The following STAM variants were observed in gnomAD, a reference collection of about 807,000 sequenced individuals.
STAM encodes the protein signal transducing adaptor molecule, also known as signal transducing adapter molecule 1.
A neutral mutation model predicts 63.4 loss-of-function variants in STAM; 16 were observed. That is an observed-to-expected ratio of 0.25 (90% CI 0.17 to 0.38). The LOEUF is 0.38. STAM is among the 10% of genes least tolerant of loss of function. The pLI is 1.00. For synonymous variants in STAM, 238 were observed against 223.9 expected (o/e 1.06, Z -0.56); for missense variants, 636 against 657.1 (o/e 0.97, Z 0.35).
intron 13 of STAM, among the ~76,000 whole-genome samples, chr10:17,710,799 A>G (rs1302273751): frequency 6.6e-6 from 1 of 152,242 alleles, no homozygotes; most frequent in Non-Finnish European, 1.5e-5. Context: ...AGTGTTAATG[A>G]CAATTTCAAG....
chr10:17,688,187 G>A lies in STAM; in HGVS notation c.444+14G>A. ...ATTGGCTCTCAGGTATTTTGGGAAT[G>A]AAGTTGTGTGTGTGCTACAGTTTGT... is the stretch of plus-strand genomic sequence containing the variant. On this transcript the variant is annotated intron_variant, in intron 5 of 13. Coordinates refer to ENST00000377524, the MANE Select transcript of STAM (RefSeq NM_003473.4). 1 of 1,519,962 alleles carries A rather than the reference G, an allele frequency of 6.6e-7. No individual in the cohort carries two copies. Among genetic ancestry groups the A allele is most frequent in the Non-Finnish European group, 8.8e-7 (1 of 1,132,264 alleles). 94.2% of individuals were successfully genotyped at this position (1,519,962 alleles called of 1,614,324 possible).
At chr10:17,652,408 T>G (rs1833776886) in intron 1 of STAM, among the ~76,000 whole-genome samples, 1 of 152,174 alleles carries the variant, frequency 6.6e-6, no homozygotes, top group African/African-American at 2.4e-5. Flanking sequence ...CTGATTCTAT[T>G]TATGTGTAGG....
At chr10:17,709,461 T>A (rs536841377) in intron 13 of STAM, among the ~76,000 whole-genome samples, 7 of 152,324 alleles carry the variant, frequency 4.6e-5, no homozygotes, top group African/African-American at 1.7e-4. Context: ...GTAAGCACCC[T>A]TGTTTCTCAG....
chr10:17,651,363 C>T (rs1250681538), intron 1 of STAM, among the ~76,000 whole-genome samples: 1 of 152,160 alleles, frequency 6.6e-6, no homozygotes, highest in Non-Finnish European at 1.5e-5. Flanking sequence ...ATGTAGTAAC[C>T]AATGGATACG....
intron 2 of STAM, among the ~76,000 whole-genome samples, 180 bp downstream of exon 2, chr10:17,660,728 C>G (rs1834134354): frequency 6.6e-6 from 1 of 152,058 alleles, no homozygotes; most frequent in East Asian, 1.9e-4. Flanking sequence ...AGCCAATGTA[C>G]ACGAGTCAGG....
intron 8 of STAM, among the ~76,000 whole-genome samples, chr10:17,697,176 G>A (rs570106660): frequency 5.7e-4 from 87 of 152,254 alleles, no homozygotes; most frequent in African/African-American, 2.1e-3. Context: ...TGATCCACCC[G>A]CCTCAGTCTC....
At chr10:17,654,389 A>AT (rs1833858861) in intron 1 of STAM, among the ~76,000 whole-genome samples, 4 of 151,798 alleles carry the variant, frequency 2.6e-5, no homozygotes, top group Admixed American at 6.6e-5. Context: ...AGCCTGGCTA[A>AT]TTTTTTGTAT....
chr10:17,647,547 T>C (rs782543368), intron 1 of STAM, among the ~76,000 whole-genome samples: 2 of 152,210 alleles, frequency 1.3e-5, no homozygotes, highest in Non-Finnish European at 2.9e-5. Flanking sequence ...TTTAGCTTAG[T>C]GTTAAGAATT....
rs181456069 is a variant in STAM at position 17,649,904 on chromosome 10, G to A, written c.40+5525G>A. On this transcript the variant is annotated intron_variant, in intron 1 of 13. Coordinates refer to ENST00000377524, the MANE Select transcript of STAM (RefSeq NM_003473.4). ...CTGGGATTACCGATGTGAGGCACCC[G>A]GGCCCAGCCAATTTGGTAATATTTT... 3.7e-4 allele frequency among the ~76,000 whole-genome samples: 56 copies of A among 152,234 alleles called. No homozygotes were observed. The East Asian group carries it at 0.011, about 29-fold the overall frequency.
intron 8 of STAM, among the ~76,000 whole-genome samples, chr10:17,697,371 A>G (rs894007373): frequency 5.9e-5 from 9 of 152,122 alleles, no homozygotes; most frequent in Admixed American, 3.9e-4. Context: ...CTCAGGGAGG[A>G]TTTTTCTTGT....
chr10:17,675,898 G>T (rs1834834563), intron 2 of STAM, among the ~76,000 whole-genome samples: 1 of 151,920 alleles, frequency 6.6e-6, no homozygotes, highest in South Asian at 2.1e-4. Context: ...GTATCCTTTT[G>T]CACTGATACC....
chr10:17,672,516 C>A (rs1554824187), intron 2 of STAM, among the ~76,000 whole-genome samples: 1 of 152,148 alleles, frequency 6.6e-6, no homozygotes, highest in Non-Finnish European at 1.5e-5. Context: ...TGTGCTGTCT[C>A]ACAATTACAA....
rs1198282901 is a variant in STAM at position 17,716,067 on chromosome 10, G to A, written c.*1287G>A. On this transcript the variant is annotated 3_prime_UTR_variant, in exon 14 of 14. Coordinates refer to ENST00000377524, the MANE Select transcript of STAM (RefSeq NM_003473.4). ...AATGAATGCTTTTCTTTTAATTCATGCGAAAAATGTTTTCCACTGACATTG... is the reference window on the plus strand; with the variant it reads ...AATGAATGCTTTTCTTTTAATTCATACGAAAAATGTTTTCCACTGACATTG... Among the ~76,000 whole-genome samples the A allele has an allele frequency of 3.3e-5, 5 of 152,018 alleles. No homozygotes were observed. The highest frequency in any genetic ancestry group is 7.4e-5 in the Non-Finnish European group (5 of 67,978).
rs138716488 is a variant in STAM at position 17,693,588 on chromosome 10, C to T, written c.535+276C>T. On this transcript the variant is annotated intron_variant, in intron 6 of 13. Transcript: ENST00000377524. ...AAATTTGTTTTTTGTAGATAGTACA[C>T]GGGAAATGCCATTTGCCACTTGCTT... Among the ~76,000 whole-genome samples, 811 of 152,230 alleles carry T rather than the reference C, an allele frequency of 5.3e-3. 3 individuals carry two copies. The highest frequency in any genetic ancestry group is 0.019 in the African/African-American group (773 of 41,532).
intron 2 of STAM, among the ~76,000 whole-genome samples, chr10:17,673,872 CAGGAGGAATA>C: frequency 6.6e-6 from 1 of 152,158 alleles, no homozygotes; most frequent in Non-Finnish European, 1.5e-5. Flanking sequence ...TTTGAGTTTG[CAGGAGGAATA>C]CCTAACATTC....
intron 13 of STAM, among the ~76,000 whole-genome samples, chr10:17,710,562 T>C (rs1444168757): frequency 6.6e-6 from 1 of 152,258 alleles, no homozygotes; most frequent in Admixed American, 6.5e-5. Context: ...TACTGGGACA[T>C]CTTCCTTGCT....
At chr10:17,662,301 T>C (rs1228693973) in intron 2 of STAM, among the ~76,000 whole-genome samples, 2 of 152,166 alleles carry the variant, frequency 1.3e-5, no homozygotes, top group Non-Finnish European at 2.9e-5. Flanking sequence ...CTTTTGGTCC[T>C]TTTGTTTCTT....
Position 17,688,263 on chromosome 10 carries a change from AT to A in STAM, c.444+95del, listed in dbSNP as rs1386107715. On this transcript the variant is annotated intron_variant, in intron 5 of 13. Transcript: ENST00000377524. The stretch of plus-strand genomic sequence containing the variant: ...GAATTTTTTTCTTCATTCCCAGGTA[AT>A]TTTTACTACTTCAGAGGAATTTTCG... 2.3e-6 allele frequency: 3 copies of A among 1,290,712 alleles called. No homozygotes were observed. In the African/African-American group the frequency reaches 4.5e-5, roughly 20 times the overall value. 80.0% of individuals were successfully genotyped at this position (1,290,712 alleles called of 1,614,324 possible). A position where few individuals can be genotyped will look rare whatever the true frequency, so the allele number is the denominator to read the frequency against.
intron 13 of STAM, among the ~76,000 whole-genome samples, chr10:17,711,739 C>T (rs782173546): frequency 3.3e-5 from 5 of 152,036 alleles, no homozygotes; most frequent in Non-Finnish European, 7.4e-5. Flanking sequence ...GGGTTGAAAG[C>T]GTGTAGGGGA....
Sources: gnomAD v4.1 joint callset for allele counts (sites outside exome capture counted in the v4.1 genomes callset) on GRCh38, gnomAD v4.1.1 for gene constraint, MANE v1.5 for transcripts, NCBI Gene and HGNC (gene_info 2026-07-23, HGNC 2026-07-21) for gene names.